HUWE1: variants seen among roughly 807,000 people sequenced by gnomAD.
HUWE1 encodes E3 ubiquitin-protein ligase HUWE1.
In HUWE1, 18 loss-of-function variants were observed where a neutral mutation model predicts 299.4. That is an observed-to-expected ratio of 0.06 (90% confidence interval 0.04 to 0.09). The LOEUF is 0.09. HUWE1 is among the 10% of genes least tolerant of loss of function. The pLI is 1.00. For missense variants in HUWE1, 1,832 were observed against 3,462.3 expected (o/e 0.53, Z 11.82); for synonymous variants, 1,317 against 1,286.1 (o/e 1.02, Z -0.51).
chrX:53,672,466 C>T (rs2149544509), intron 3 of HUWE1, among the ~76,000 whole-genome samples: 1 of 109,810 alleles, frequency 9.1e-6, no homozygotes, highest in South Asian at 3.9e-4. Context: ...ACCATGTTGG[C>T]CAGGCTGGTC....
At chrX:53,606,375 A>G (rs971563318) in intron 25 of HUWE1, among the ~76,000 whole-genome samples, 1 of 112,494 alleles carries the variant, frequency 8.9e-6, no homozygotes, top group Non-Finnish European at 1.9e-5. Context: ...CATTATCACT[A>G]TGCATTAGGG....
Position 53,581,032 on chromosome X carries a change from A to G in HUWE1, c.5521-6T>C, listed in dbSNP as rs374573140. On this transcript the variant is annotated splice_polypyrimidine_tract_variant and splice_region_variant and intron_variant, in intron 42 of 83. Transcript: ENST00000262854. ...GTAGCTGCTGAGCGAACAACCTAGTAAAGAGAGAAAGAAACACTGTCGATT... is the reference window on the plus strand; with the variant it reads ...GTAGCTGCTGAGCGAACAACCTAGTGAAGAGAGAAAGAAACACTGTCGATT... 5.1e-6 allele frequency: 6 copies of G among 1,181,444 alleles called. No individual in the cohort carries two copies. Among genetic ancestry groups the G allele is most frequent in the Non-Finnish European group, 5.7e-6 (5 of 874,460 alleles).
chrX:53,625,522 C>T (rs2066426389), intron 17 of HUWE1: 2 of 279,225 alleles, frequency 7.2e-6, no homozygotes, highest in Non-Finnish European at 1.3e-5. Flanking sequence ...TTTTTTTTTA[C>T]CTCACTCAGT....
chrX:53,625,414 T>C, intron 17 of HUWE1, 156 bp from the exon 18 acceptor site: 1 of 416,161 alleles, frequency 2.4e-6, no homozygotes, highest in East Asian at 3.9e-5. Flanking sequence ...GAATACTTAA[T>C]TAAGCTTTGA....
At chrX:53,618,895 T>C (rs1300986685) in intron 19 of HUWE1, among the ~76,000 whole-genome samples, 1 of 107,016 alleles carries the variant, frequency 9.3e-6, no homozygotes, top group Non-Finnish European at 1.9e-5. Context: ...AAAAAAAAAA[T>C]CCAGGTAATA....
intron 3 of HUWE1, among the ~76,000 whole-genome samples, chrX:53,659,497 C>A (rs1354372640): frequency 8.9e-6 from 1 of 111,908 alleles, no homozygotes; most frequent in African/African-American, 3.3e-5. Flanking sequence ...AAAGAAAAAA[C>A]TATAGAGACA....
At chrX:53,579,125 C>T (rs1602808352) in intron 43 of HUWE1, among the ~76,000 whole-genome samples, 2 of 76,876 alleles carry the variant, frequency 2.6e-5, no homozygotes, top group Non-Finnish European at 5.0e-5. Flanking sequence ...TGAGGGGCGC[C>T]TCTGCCCGGC....
chrX:53,654,632 A>T (rs1382793297), intron 3 of HUWE1, among the ~76,000 whole-genome samples: 1 of 112,388 alleles, frequency 8.9e-6, no homozygotes, highest in Non-Finnish European at 1.9e-5. Context: ...GCTAAAAAAA[A>T]GATCAAATGT....
In HUWE1 at chrX:53,603,510, A is replaced by G. The variant is rs892752729; in HGVS notation, c.2743-9T>C. Reference sequence around the variant, plus strand: ...ATGGAACGAATTTCACTCTGCAATCATAACAAGAATTTCACCTTTGGGATG... The same window carrying G: ...ATGGAACGAATTTCACTCTGCAATCGTAACAAGAATTTCACCTTTGGGATG... On this transcript the variant is annotated splice_polypyrimidine_tract_variant and intron_variant, in intron 26 of 83. Transcript: ENST00000262854. The G allele has an allele frequency of 8.3e-6, 10 of 1,205,392 alleles. No homozygotes were observed. The East Asian group carries it at 1.2e-4, about 14-fold the overall frequency.
intron 29 of HUWE1, among the ~76,000 whole-genome samples, chrX:53,596,043 G>A (rs1556984598): frequency 8.9e-6 from 1 of 112,366 alleles, no homozygotes; most frequent in African/African-American, 3.2e-5. Context: ...AATATTTCAT[G>A]TGTTTTTATA....
rs1245297330 is a variant in HUWE1, at chrX:53,554,678, C to T, written c.8449G>A (p.Glu2817Lys). The change falls in exon 61 of 84, where the codon GAA (glutamate) becomes AAA (lysine). Residue 2817 changes from glutamate (E) to lysine (K), a missense_variant. Glu to Lys is a moderately conservative substitution (Grantham distance 56). This residue lies in a region of HUWE1 where 143 missense variants were observed against 148.1 expected (regional missense o/e 0.97). Transcript: ENST00000262854. The stretch of plus-strand genomic sequence containing the variant: ...AACTCCATCTGAGTTGTTTCTGCTT[C>T]CCCACTTGGCCTTGTGGGACCCAAT... ...EELGPTRPSG[E>K]AETTQMELSP... 8.3e-7 allele frequency: 1 copy of T among 1,209,253 alleles called. No individual in the cohort carries two copies. The highest frequency in any genetic ancestry group is 1.1e-6 in the Non-Finnish European group (1 of 894,945).
chrX:53,596,298 G>C (rs1325140436), intron 29 of HUWE1, among the ~76,000 whole-genome samples: 14 of 110,512 alleles, frequency 1.3e-4, no homozygotes, highest in African/African-American at 4.6e-4. Flanking sequence ...GTGACAATTT[G>C]AAAAAACTCT....
chrX:53,670,893 C>T (rs192431079), intron 3 of HUWE1, among the ~76,000 whole-genome samples: 2 of 111,921 alleles, frequency 1.8e-5, no homozygotes, highest in East Asian at 5.5e-4. Flanking sequence ...ACGATACTGG[C>T]TATATCCAGA....
chrX:53,580,494 T>G (rs782483369), intron 43 of HUWE1, among the ~76,000 whole-genome samples: 1 of 112,330 alleles, frequency 8.9e-6, no homozygotes, highest in African/African-American at 3.2e-5. Flanking sequence ...TCGCACTGTG[T>G]TACACGAGAC....
At chrX:53,576,758 T>C in intron 44 of HUWE1, 142 bp downstream of exon 44, 1 of 574,963 alleles carries the variant, frequency 1.7e-6, no homozygotes. Flanking sequence ...TTCACAGACA[T>C]GCAATGGGTA....
chrX:53,582,531 T>A (rs1454173934), intron 42 of HUWE1, among the ~76,000 whole-genome samples: 1 of 112,375 alleles, frequency 8.9e-6, no homozygotes, highest in African/African-American at 3.2e-5. Flanking sequence ...TTACTAAAAA[T>A]CTCTAAGTAA....
chrX:53,675,668 CAAT>C (rs1463989677), intron 3 of HUWE1, among the ~76,000 whole-genome samples: 2 of 111,253 alleles, frequency 1.8e-5, no homozygotes, highest in East Asian at 2.8e-4. Flanking sequence ...AAAAACTGAA[CAAT>C]GACTTCCATT....
intron 80 of HUWE1, chrX:53,535,922 GTTTTT>G (rs34675759): frequency 6.6e-5 from 11 of 166,890 alleles, no homozygotes; most frequent in Middle Eastern, 2.3e-3. Flanking sequence ...ATGTACTGGA[GTTTTT>G]TTTTTTTTTT....
At chrX:53,568,946 C>T in intron 48 of HUWE1, 72 bp from the exon 49 acceptor site, 1 of 887,431 alleles carries the variant, frequency 1.1e-6, no homozygotes, top group Non-Finnish European at 1.6e-6. Context: ...CACAAAATAG[C>T]CTCAGATAAC....
Sources: allele counts gnomAD v4.1 joint callset (sites outside exome capture counted in the v4.1 genomes callset), GRCh38; gene constraint gnomAD v4.1.1; regional missense constraint gnomAD v4.1.1; transcripts MANE v1.5; gene names NCBI Gene and HGNC (gene_info 2026-07-23, HGNC 2026-07-21).